Variants in RBMS3 observed in about 807,000 individuals in gnomAD.
The protein encoded by RBMS3 is RNA binding motif single stranded interacting protein 3, also known as RNA-binding motif, single-stranded-interacting protein 3.
In RBMS3, 27 loss-of-function variants were observed where a neutral mutation model predicts 66.8. The observed-to-expected ratio is 0.40, with a 90% CI of 0.30 to 0.56. RBMS3 has a LOEUF of 0.56. RBMS3 is among the 20% of genes least tolerant of loss of function. RBMS3 has a pLI of 0.40. For synonymous variants in RBMS3, 188 were observed against 183.0 expected, an observed-to-expected ratio of 1.03 and a Z score of -0.22; for missense variants, 513 against 549.5, an observed-to-expected ratio of 0.93 and a Z score of 0.66.
intron 1 of RBMS3, among the ~76,000 whole-genome samples, chr3:29,370,936 A>G (rs1259963051): frequency 2.6e-5 from 4 of 152,198 alleles, no homozygotes; most frequent in East Asian, 1.9e-4. Context: ...CTTAACTCCA[A>G]TGGCTGGATC....
chr3:29,966,155 T>C lies in RBMS3; in HGVS notation c.1098+21901T>C, dbSNP rs562255080. On this transcript the variant is annotated intron_variant, in intron 12 of 14. Transcript: ENST00000383767. ...GGCCTTATAGTTTAAAATCAGGTGG[T>C]GCGATACCTCCAGATTTGTTATTTT... Among the ~76,000 whole-genome samples, 6 of 152,258 alleles carry C rather than the reference T, an allele frequency of 3.9e-5. No individual in the cohort carries two copies. The South Asian group carries it at 1.2e-3, about 32-fold the overall frequency.
intron 6 of RBMS3, among the ~76,000 whole-genome samples, chr3:29,780,284 A>G (rs2056584018): frequency 6.6e-6 from 1 of 151,096 alleles, no homozygotes; most frequent in East Asian, 2.0e-4. Flanking sequence ...GTTTGATTTG[A>G]AACTGCTTGA....
chr3:29,553,006 C>T (rs900954970), intron 3 of RBMS3, among the ~76,000 whole-genome samples: 4 of 152,152 alleles, frequency 2.6e-5, no homozygotes, highest in Non-Finnish European at 4.4e-5. Context: ...TCTCAGTTTG[C>T]AACCTGCGAA....
At chr3:29,476,038 C>A (rs1273557952) in intron 2 of RBMS3, among the ~76,000 whole-genome samples, 1 of 152,098 alleles carries the variant, frequency 6.6e-6, no homozygotes, top group Non-Finnish European at 1.5e-5. Context: ...TGTAAAACAT[C>A]CCCCACTGAC....
intron 12 of RBMS3, among the ~76,000 whole-genome samples, chr3:29,950,514 C>T (rs572524204): frequency 6.6e-6 from 1 of 151,778 alleles, no homozygotes; most frequent in Non-Finnish European, 1.5e-5. Flanking sequence ...GCACTTGAGG[C>T]GCCTGTCAGA....
chr3:29,719,804 T>G (rs935259024), intron 4 of RBMS3, among the ~76,000 whole-genome samples: 2 of 152,202 alleles, frequency 1.3e-5, no homozygotes, highest in Admixed American at 6.5e-5. Flanking sequence ...ACAGATTTCT[T>G]AATCCACTTT....
chr3:29,520,456 G>A (rs1004018132), intron 3 of RBMS3, among the ~76,000 whole-genome samples: 1 of 152,026 alleles, frequency 6.6e-6, no homozygotes, highest in Admixed American at 6.6e-5. Context: ...GGGAAATACT[G>A]GTTTTTCGTT....
At chr3:29,432,684 A>G (rs565392447) in intron 1 of RBMS3, among the ~76,000 whole-genome samples, 2 of 152,330 alleles carry the variant, frequency 1.3e-5, no homozygotes, top group South Asian at 4.1e-4. Flanking sequence ...AGAGGCAGGC[A>G]TTAAATAAGC....
At chr3:29,548,631 A>G (rs952913082) in intron 3 of RBMS3, among the ~76,000 whole-genome samples, 1 of 152,106 alleles carries the variant, frequency 6.6e-6, no homozygotes, top group Non-Finnish European at 1.5e-5. Context: ...GAACCTGAAA[A>G]CCAAGCAGGC....
At chr3:29,527,773 C>T (rs1443208501) in intron 3 of RBMS3, among the ~76,000 whole-genome samples, 1 of 151,798 alleles carries the variant, frequency 6.6e-6, no homozygotes, top group Non-Finnish European at 1.5e-5. Context: ...AGGTATATCT[C>T]ATAATGCTAT....
intron 6 of RBMS3, among the ~76,000 whole-genome samples, chr3:29,807,793 T>C (rs1470434771): frequency 8.1e-6 from 1 of 123,844 alleles, no homozygotes; most frequent in African/African-American, 3.6e-5. Flanking sequence ...TGTGAAGGGG[T>C]GTGTGTGTGT....
At chr3:29,393,646 C>T (rs1380720597) in intron 1 of RBMS3, among the ~76,000 whole-genome samples, 3 of 151,274 alleles carry the variant, frequency 2.0e-5, no homozygotes, top group African/African-American at 7.3e-5. Context: ...GGGGAAACAG[C>T]CCCCAGTATT....
At chr3:29,382,317 G>A (rs1388577224) in intron 1 of RBMS3, among the ~76,000 whole-genome samples, 1 of 152,176 alleles carries the variant, frequency 6.6e-6, no homozygotes, top group East Asian at 1.9e-4. Context: ...GTAAATGGAG[G>A]CAGAGAGCAG....
chr3:29,865,830 C>T (rs372686307), intron 6 of RBMS3, among the ~76,000 whole-genome samples: 2 of 151,930 alleles, frequency 1.3e-5, no homozygotes, highest in Admixed American at 6.6e-5. Context: ...CAAACAGGTA[C>T]GACAAGATAT....
In RBMS3 at chr3:29,284,869, T is replaced by C. The variant is rs73832017; in HGVS notation, c.75+3113T>C. ...TCTTTTTGATGAATTTTTCTTTTTT[T>C]TTTTTTTTTTTTTTACCAAAAGAAG... On this transcript the variant is annotated intron_variant, in intron 1 of 14. Transcript: ENST00000383767. 1.9e-3 allele frequency among the ~76,000 whole-genome samples: 263 copies of C among 138,628 alleles called. 1 individual carries two copies. The highest frequency in any genetic ancestry group is 7.7e-3 in the African/African-American group (252 of 32,548). 90.9% of individuals were successfully genotyped at this position (138,628 alleles called of 152,430 possible).
intron 2 of RBMS3, among the ~76,000 whole-genome samples, chr3:29,483,699 A>C (rs2043223513): frequency 6.6e-6 from 1 of 152,204 alleles, no homozygotes; most frequent in African/African-American, 2.4e-5. Flanking sequence ...TAATACACTG[A>C]CGTGAAAAAA....
At chr3:29,379,711 A>C (rs1338661674) in intron 1 of RBMS3, among the ~76,000 whole-genome samples, 7 of 152,230 alleles carry the variant, frequency 4.6e-5, no homozygotes, top group Non-Finnish European at 7.3e-5. Flanking sequence ...GACACAGCGA[A>C]GCTATGTCAA....
At chr3:29,442,810 TCTC>T (rs1424923750) in intron 2 of RBMS3, among the ~76,000 whole-genome samples, 2 of 152,180 alleles carry the variant, frequency 1.3e-5, no homozygotes, top group African/African-American at 4.8e-5. Flanking sequence ...CCTCCTTTCT[TCTC>T]CTATGGATGG....
At chr3:29,845,611 A>G (rs557713784) in intron 6 of RBMS3, among the ~76,000 whole-genome samples, 60 of 152,284 alleles carry the variant, frequency 3.9e-4, no homozygotes, top group African/African-American at 1.4e-3. Context: ...TTTGATAGGT[A>G]TTTATTAGGT....
Sources: gnomAD v4.1 joint callset for allele counts (sites outside exome capture counted in the v4.1 genomes callset) on GRCh38, gnomAD v4.1.1 for gene constraint, MANE v1.5 for transcripts, NCBI Gene and HGNC (gene_info 2026-07-23, HGNC 2026-07-21) for gene names.